Variants in FAM222B observed in about 807,000 individuals in gnomAD.
FAM222B encodes the protein family with sequence similarity 222 member B.
FAM222B carries 12 observed loss-of-function variants against 38.0 expected under a neutral mutation model. That is an observed-to-expected ratio of 0.32 (90% confidence interval 0.20 to 0.51). FAM222B has a LOEUF of 0.51. FAM222B is among the 20% of genes least tolerant of loss of function. The pLI, the probability that FAM222B is intolerant of heterozygous loss-of-function variation, is 0.97. For synonymous variants in FAM222B, 329 were observed against 317.2 expected, an observed-to-expected ratio of 1.04 and a Z score of -0.40; for missense variants, 716 against 754.2, an observed-to-expected ratio of 0.95 and a Z score of 0.59.
At position 28,759,336 on chromosome 17, in the gene FAM222B, A is replaced by G; in HGVS notation, c.623T>C (p.Leu208Ser). The change falls in exon 3 of 3, where the codon TTG becomes TCG. Residue 208 changes from leucine to serine, a missense_variant. By Grantham distance (145) the Leu-to-Ser change is moderately radical. Coordinates refer to ENST00000581407, the MANE Select transcript of FAM222B (RefSeq NM_001077498.3). This position sits in a 1 kb window ranked among gnomAD's most constrained non-coding sequence, Gnocchi z 4.8. ...HPQPMAQTQG[L>S]VHPQALAHQG... The stretch of plus-strand genomic sequence containing the variant: ...GTGAGCCAGGGCCTGAGGGTGGACC[A>G]AGCCCTGGGTTTGGGCCATGGGCTG... 1 of 1,610,582 alleles carries G rather than the reference A, an allele frequency of 6.2e-7. No homozygotes were observed. Among genetic ancestry groups the G allele is most frequent in the Non-Finnish European group, 8.5e-7 (1 of 1,178,678 alleles).
chr17:28,813,144 C>A (rs1341151595), intron 1 of FAM222B, among the ~76,000 whole-genome samples: 6 of 119,888 alleles, frequency 5.0e-5, no homozygotes, highest in Non-Finnish European at 7.0e-5. Context: ...AAAAAAAACA[C>A]ACACATACAA....
At chr17:28,814,320 C>CG (rs1297363299) in intron 1 of FAM222B, among the ~76,000 whole-genome samples, 2 of 152,104 alleles carry the variant, frequency 1.3e-5, no homozygotes, top group African/African-American at 4.8e-5. Flanking sequence ...TTAATCCCCC[C>CG]GAACACTACT....
At chr17:28,795,235 C>A (rs1279174919) in intron 1 of FAM222B, among the ~76,000 whole-genome samples, 1 of 152,150 alleles carries the variant, frequency 6.6e-6, no homozygotes, top group Non-Finnish European at 1.5e-5. Flanking sequence ...TCACGGCAAC[C>A]TCCACTTCAA....
chr17:28,809,218 G>A (rs1222524286), intron 1 of FAM222B, among the ~76,000 whole-genome samples: 1 of 152,136 alleles, frequency 6.6e-6, no homozygotes, highest in Non-Finnish European at 1.5e-5. Flanking sequence ...AGGCGTGCTG[G>A]TGCGTGTCTG....
chr17:28,832,912 T>C (rs1194128451), intron 1 of FAM222B, among the ~76,000 whole-genome samples: 1 of 147,392 alleles, frequency 6.8e-6, no homozygotes, highest in Non-Finnish European at 1.5e-5. Context: ...GGCTCACACC[T>C]AAAATCCTAG....
intron 1 of FAM222B, among the ~76,000 whole-genome samples, chr17:28,775,001 G>GT (rs1294772471): frequency 1.7e-4 from 13 of 75,646 alleles, no homozygotes; most frequent in African/African-American, 5.8e-4. Flanking sequence ...AATCTCAGCT[G>GT]TATTTTTTTT....
At chr17:28,818,122 G>A (rs531506170) in intron 1 of FAM222B, among the ~76,000 whole-genome samples, 3 of 152,218 alleles carry the variant, frequency 2.0e-5, no homozygotes, top group African/African-American at 7.2e-5. Flanking sequence ...TACTTGGGAG[G>A]CTGAGGTGGG....
chr17:28,769,590 C>A (rs1277497709), intron 1 of FAM222B, among the ~76,000 whole-genome samples: 7 of 152,242 alleles, frequency 4.6e-5, no homozygotes, highest in Non-Finnish European at 7.3e-5. Flanking sequence ...AGCCACCGCG[C>A]CCGGCCAATT....
At chr17:28,766,314 C>A (rs1390854277) in intron 2 of FAM222B, among the ~76,000 whole-genome samples, 1 of 152,042 alleles carries the variant, frequency 6.6e-6, no homozygotes, top group Non-Finnish European at 1.5e-5. Flanking sequence ...ATTAGCCAGG[C>A]ATGGTGGTGG....
intron 1 of FAM222B, 100 bp from the exon 2 acceptor site, chr17:28,766,807 A>C (rs2035351807): frequency 1.6e-6 from 1 of 631,186 alleles, no homozygotes; most frequent in South Asian, 2.0e-5. Flanking sequence ...AAGTTTAGAC[A>C]CATAAAGCAA....
intron 1 of FAM222B, among the ~76,000 whole-genome samples, chr17:28,779,403 C>G (rs1319971455): frequency 6.6e-6 from 1 of 152,016 alleles, no homozygotes; most frequent in Non-Finnish European, 1.5e-5. Context: ...ATGTGATAAA[C>G]CATACAAGCA....
intron 1 of FAM222B, among the ~76,000 whole-genome samples, chr17:28,811,873 G>T (rs2037782483): frequency 6.6e-6 from 1 of 152,176 alleles, no homozygotes; most frequent in South Asian, 2.1e-4. Context: ...ATGGAGTACA[G>T]TTCCAAATAT....
chr17:28,788,662 C>T (rs1195188944), intron 1 of FAM222B, among the ~76,000 whole-genome samples: 1 of 152,096 alleles, frequency 6.6e-6, no homozygotes, highest in African/African-American at 2.4e-5. Context: ...TTGAGTTAAT[C>T]GGGGAGGAAA....
intron 1 of FAM222B, among the ~76,000 whole-genome samples, chr17:28,830,518 T>C (rs2038629992): frequency 6.6e-6 from 1 of 152,164 alleles, no homozygotes; most frequent in South Asian, 2.1e-4. Context: ...TTTCTCCCAG[T>C]GTGTTGCTTA....
At chr17:28,823,930 T>G (rs1416805893) in intron 1 of FAM222B, among the ~76,000 whole-genome samples, 3 of 145,752 alleles carry the variant, frequency 2.1e-5, no homozygotes, top group East Asian at 2.0e-4. Flanking sequence ...CAGGCTGGAG[T>G]GCAGTGGCAC....
chr17:28,765,585 T>G (rs1373981561), intron 2 of FAM222B, among the ~76,000 whole-genome samples: 1 of 152,202 alleles, frequency 6.6e-6, no homozygotes, highest in Non-Finnish European at 1.5e-5. Flanking sequence ...ATTCCAAATT[T>G]AGGGCTGTTT....
At chr17:28,779,795 G>C (rs1023010758) in intron 1 of FAM222B, among the ~76,000 whole-genome samples, 11 of 140,914 alleles carry the variant, frequency 7.8e-5, no homozygotes, top group Admixed American at 7.1e-4. Context: ...AATAAATAAA[G>C]CATCTGACAA....
chr17:28,821,539 A>G (rs903374273), intron 1 of FAM222B, among the ~76,000 whole-genome samples: 4 of 152,230 alleles, frequency 2.6e-5, no homozygotes, highest in South Asian at 2.1e-4. Context: ...GAACAAGGTC[A>G]AGTCAGTCTG....
intron 1 of FAM222B, among the ~76,000 whole-genome samples, chr17:28,807,951 C>A (rs1348595475): frequency 6.6e-6 from 1 of 152,212 alleles, no homozygotes. Context: ...ATGGTTTTGA[C>A]AATCTCATAC....
Sources: allele counts gnomAD v4.1 joint callset (sites outside exome capture counted in the v4.1 genomes callset), GRCh38; gene constraint gnomAD v4.1.1; non-coding constraint Gnocchi (gnomAD v3.1); transcripts MANE v1.5; gene names NCBI Gene and HGNC (gene_info 2026-07-23, HGNC 2026-07-21).